CPXM2: variants seen among roughly 807,000 people sequenced by gnomAD.
The protein encoded by CPXM2 is carboxypeptidase X, M14 family member 2, also known as inactive carboxypeptidase-like protein X2.
Under a neutral mutation model 86.1 loss-of-function variants are expected in CPXM2, and 66 were observed. The observed-to-expected ratio is 0.77, with a 90% CI of 0.63 to 0.94. CPXM2 has a LOEUF of 0.94. Among genes scored for constraint, CPXM2 ranks in the 40% least tolerant of loss-of-function variants. The probability of loss-of-function intolerance (pLI) is 0.00; values close to 1 mark genes in which losing one functional copy is unlikely to be tolerated. For missense variants in CPXM2, 948 were observed against 1,026.3 expected (o/e 0.92, Z 1.04); for synonymous variants, 388 against 400.2 (o/e 0.97, Z 0.36).
intron 4 of CPXM2, among the ~76,000 whole-genome samples, chr10:123,836,712 A>C (rs1199323041): frequency 1.3e-5 from 2 of 152,192 alleles, no homozygotes; most frequent in African/African-American, 4.8e-5. Flanking sequence ...CAAGAATGTG[A>C]AACCCTCTGG....
At chr10:123,847,949 AAG>A in intron 3 of CPXM2, among the ~76,000 whole-genome samples, 1 of 152,322 alleles carries the variant, frequency 6.6e-6, no homozygotes, top group South Asian at 2.1e-4. Context: ...AGCAAATAAA[AAG>A]TCATATCCAA....
chr10:123,768,259 T>C (rs1846533613), intron 9 of CPXM2, among the ~76,000 whole-genome samples: 1 of 152,022 alleles, frequency 6.6e-6, no homozygotes, highest in Non-Finnish European at 1.5e-5. Context: ...GCGGCCGTAA[T>C]CCCAGCTACT....
Position 123,746,748 on chromosome 10 carries a change from C to T in CPXM2, c.*16G>A, listed in dbSNP as rs1845977688. On this transcript the variant is annotated 3_prime_UTR_variant, in exon 14 of 14. Transcript: ENST00000241305. Reference sequence around the variant, plus strand: ...ATTTGCATGGGTCCCAGACGAGTCTCAAGGGCCCAGGAGGGTCACCCACGC... The same window carrying T: ...ATTTGCATGGGTCCCAGACGAGTCTTAAGGGCCCAGGAGGGTCACCCACGC... The T allele has an allele frequency of 6.2e-7, 1 of 1,613,170 alleles. No homozygotes were observed. The highest frequency in any genetic ancestry group is 8.5e-7 in the Non-Finnish European group (1 of 1,179,642).
At chr10:123,828,925 C>G (rs1161524441) in intron 4 of CPXM2, among the ~76,000 whole-genome samples, 1 of 152,070 alleles carries the variant, frequency 6.6e-6, no homozygotes, top group East Asian at 1.9e-4. Flanking sequence ...CCTAAGAAGA[C>G]AGAAAGACAA....
At chr10:123,778,285 G>A (rs2043766111) in intron 7 of CPXM2, among the ~76,000 whole-genome samples, 1 of 152,242 alleles carries the variant, frequency 6.6e-6, no homozygotes, top group African/African-American at 2.4e-5. Context: ...GATTTCTACA[G>A]TAACCTAGCA....
At chr10:123,877,544 G>A (rs1945007321) in intron 2 of CPXM2, among the ~76,000 whole-genome samples, 1 of 152,172 alleles carries the variant, frequency 6.6e-6, no homozygotes, top group South Asian at 2.1e-4. Flanking sequence ...GATGCAAGAG[G>A]CCCAAGAGAC....
rs543390844 is a variant in CPXM2, at chr10:123,885,538, T to C, written c.305-5229A>G. Among the ~76,000 whole-genome samples, 1 of 152,278 alleles carries C rather than the reference T, an allele frequency of 6.6e-6. No individual in the cohort carries two copies. Among genetic ancestry groups the C allele is most frequent in the African/African-American group, 2.4e-5 (1 of 41,564 alleles). On this transcript the variant is annotated intron_variant, in intron 1 of 13. Coordinates refer to ENST00000241305, the MANE Select transcript of CPXM2 (RefSeq NM_198148.3). The surrounding 1 kb of genome is among the most constrained non-coding windows in gnomAD (Gnocchi z 4.0). Reference sequence around the variant, plus strand: ...GTGACATCAGGGGCTTAAATTAACATGTGAAGCTGTTTTGTGCCATGCTAA... The same window carrying C: ...GTGACATCAGGGGCTTAAATTAACACGTGAAGCTGTTTTGTGCCATGCTAA...
At chr10:123,842,279 G>C (rs1848401739) in intron 4 of CPXM2, 70 bp downstream of exon 4, 2 of 1,589,798 alleles carry the variant, frequency 1.3e-6, no homozygotes, top group Middle Eastern at 2.0e-4. Context: ...TTCCAGACCT[G>C]TGTCTGTCCA....
At chr10:123,861,965 C>T (rs1173892361) in intron 3 of CPXM2, among the ~76,000 whole-genome samples, 3 of 152,166 alleles carry the variant, frequency 2.0e-5, no homozygotes, top group African/African-American at 7.2e-5. Context: ...ACAGAAAGGG[C>T]CTGGAGTCAA....
At chr10:123,785,696 G>C (rs566997496) in intron 6 of CPXM2, among the ~76,000 whole-genome samples, 4 of 150,374 alleles carry the variant, frequency 2.7e-5, no homozygotes, top group African/African-American at 9.8e-5. Flanking sequence ...ACAGAGGCGC[G>C]ATCTCGGCTC....
At chr10:123,785,634 CTTTT>C (rs34924886) in intron 6 of CPXM2, among the ~76,000 whole-genome samples, 7 of 136,706 alleles carry the variant, frequency 5.1e-5, no homozygotes, top group African/African-American at 5.4e-5. Context: ...ACTTTAGCTT[CTTTT>C]TTTTTTTTTT....
At chr10:123,847,525 CA>C (rs201079203) in intron 3 of CPXM2, among the ~76,000 whole-genome samples, 12 of 142,224 alleles carry the variant, frequency 8.4e-5, no homozygotes, top group South Asian at 2.3e-4. Flanking sequence ...GACTCTGTCT[CA>C]AAAAAAAAAG....
At chr10:123,789,836 T>C (rs1441396162) in intron 6 of CPXM2, among the ~76,000 whole-genome samples, 2 of 152,018 alleles carry the variant, frequency 1.3e-5, no homozygotes, top group African/African-American at 4.8e-5. Flanking sequence ...AGAGCAGGGG[T>C]GGCCGGGTGC....
chr10:123,783,512 G>A (rs1846982216), intron 6 of CPXM2, among the ~76,000 whole-genome samples: 1 of 152,190 alleles, frequency 6.6e-6, no homozygotes, highest in African/African-American at 2.4e-5. Flanking sequence ...TTTTCTCACA[G>A]AGCTTGCAGG....
At chr10:123,925,050 C>A (rs901368265) in intron 2 of CPXM2, among the ~76,000 whole-genome samples, 1 of 149,556 alleles carries the variant, frequency 6.7e-6, no homozygotes, top group Admixed American at 6.7e-5. Context: ...GAAGTAAGTG[C>A]TAAGGGATTA....
At chr10:123,837,084 C>T (rs571552619) in intron 4 of CPXM2, among the ~76,000 whole-genome samples, 46 of 151,854 alleles carry the variant, frequency 3.0e-4, no homozygotes, top group African/African-American at 1.0e-3. Flanking sequence ...CCTGGTCTTC[C>T]TTCTGACGTT....
chr10:123,814,243 T>C (rs1013086159), intron 4 of CPXM2, among the ~76,000 whole-genome samples: 1 of 152,158 alleles, frequency 6.6e-6, no homozygotes, highest in Non-Finnish European at 1.5e-5. Flanking sequence ...GACCCACCCT[T>C]AATCTGGATG....
intron 2 of CPXM2, among the ~76,000 whole-genome samples, chr10:123,911,827 G>C (rs1366300769): frequency 1.3e-5 from 2 of 152,048 alleles, no homozygotes; most frequent in East Asian, 3.9e-4. Flanking sequence ...CCACCCTGCA[G>C]GGGTGGGGTG....
chr10:123,784,295 C>G (rs1847001572), intron 6 of CPXM2, among the ~76,000 whole-genome samples: 1 of 152,152 alleles, frequency 6.6e-6, no homozygotes, highest in Non-Finnish European at 1.5e-5. Context: ...AGACCTGGAA[C>G]AAATTCTCCC....
Sources: allele counts gnomAD v4.1 joint callset (sites outside exome capture counted in the v4.1 genomes callset), GRCh38; gene constraint gnomAD v4.1.1; non-coding constraint Gnocchi (gnomAD v3.1); transcripts MANE v1.5; gene names NCBI Gene and HGNC (gene_info 2026-07-23, HGNC 2026-07-21).